MAPK10: variants seen among roughly 807,000 people sequenced by gnomAD.
MAPK10 encodes JNK3 alpha protein kinase.
A neutral mutation model predicts 59.3 loss-of-function variants in MAPK10; 25 were observed. The observed-to-expected ratio is 0.42, with a 90% CI of 0.31 to 0.59. MAPK10 has a LOEUF of 0.59. MAPK10 is among the 20% of genes least tolerant of loss of function. The pLI is 0.15. For synonymous variants in MAPK10, 190 were observed against 200.5 expected, an observed-to-expected ratio of 0.95 and a Z score of 0.44; for missense variants, 351 against 568.9, an observed-to-expected ratio of 0.62 and a Z score of 3.90.
At chr4:86,278,427 G>C (rs186488667) in intron 2 of MAPK10, among the ~76,000 whole-genome samples, 252 of 152,234 alleles carry the variant, frequency 1.7e-3, no homozygotes, top group Admixed American at 4.1e-3. Flanking sequence ...TTAGTTATGT[G>C]TAGTTTAAGG....
chr4:86,144,070 A>G (rs962509312), intron 4 of MAPK10, among the ~76,000 whole-genome samples: 15 of 152,112 alleles, frequency 9.9e-5, no homozygotes, highest in African/African-American at 3.4e-4. Context: ...GAAGGTGCCA[A>G]ATTACTGGTA....
At chr4:86,118,654 G>A (rs140574960) in intron 4 of MAPK10, among the ~76,000 whole-genome samples, 4 of 151,218 alleles carry the variant, frequency 2.6e-5, no homozygotes, top group African/African-American at 7.3e-5. Context: ...ATATTTATCA[G>A]GTATTTTTTT....
At chr4:86,523,284 C>T (rs1442432751) in intron 1 of MAPK10, among the ~76,000 whole-genome samples, 3 of 152,168 alleles carry the variant, frequency 2.0e-5, no homozygotes, top group African/African-American at 7.2e-5. Flanking sequence ...CACTGACCCC[C>T]ATCCCCAATC....
chr4:86,323,612 G>T (rs1040139437), intron 2 of MAPK10, among the ~76,000 whole-genome samples: 2 of 152,192 alleles, frequency 1.3e-5, no homozygotes, highest in Non-Finnish European at 2.9e-5. Flanking sequence ...AGAGATGACT[G>T]TAATTAGAAA....
intron 10 of MAPK10, among the ~76,000 whole-genome samples, chr4:86,066,533 G>A (rs914142761): frequency 3.3e-5 from 5 of 151,440 alleles, no homozygotes; most frequent in African/African-American, 1.2e-4. Flanking sequence ...TTGGAAGGCC[G>A]AGGCAGGCAG....
intron 9 of MAPK10, among the ~76,000 whole-genome samples, chr4:86,096,406 T>A (rs1326532404): frequency 6.6e-6 from 1 of 151,962 alleles, no homozygotes; most frequent in Non-Finnish European, 1.5e-5. Flanking sequence ...TTTTTGCTTT[T>A]TTTCTCTTTT....
At chr4:86,468,251 C>A (rs977802798) in intron 1 of MAPK10, among the ~76,000 whole-genome samples, 1 of 152,062 alleles carries the variant, frequency 6.6e-6, no homozygotes, top group Non-Finnish European at 1.5e-5. Flanking sequence ...AAAGAAAATC[C>A]TTTTTTTGCC....
intron 1 of MAPK10, among the ~76,000 whole-genome samples, chr4:86,539,400 T>C (rs1363053969): frequency 6.6e-6 from 1 of 152,006 alleles, no homozygotes; most frequent in Non-Finnish European, 1.5e-5. Context: ...GCTCCAAACC[T>C]CAGCTACTAG....
intron 1 of MAPK10, among the ~76,000 whole-genome samples, chr4:86,460,076 C>A (rs1295709627): frequency 6.6e-6 from 1 of 152,100 alleles, no homozygotes; most frequent in Non-Finnish European, 1.5e-5. Flanking sequence ...ATCATTAAAT[C>A]TTTGTTCATT....
chr4:86,132,091 CATACATAT>C (rs2149142446), intron 4 of MAPK10, among the ~76,000 whole-genome samples: 1 of 152,194 alleles, frequency 6.6e-6, no homozygotes, highest in South Asian at 2.1e-4. Flanking sequence ...TTTAACTATT[CATACATAT>C]ATGAAACTTG....
intron 4 of MAPK10, among the ~76,000 whole-genome samples, chr4:86,141,401 C>T (rs555029312): frequency 6.6e-6 from 1 of 152,142 alleles, no homozygotes; most frequent in Non-Finnish European, 1.5e-5. Context: ...TCATGAAGTC[C>T]ACATCTTTAT....
intron 11 of MAPK10, among the ~76,000 whole-genome samples, chr4:86,036,430 T>A (rs1005955013): frequency 1.2e-4 from 17 of 145,936 alleles, no homozygotes; most frequent in African/African-American, 3.3e-4. Context: ...GAGAACTTGA[T>A]AAAAAAAAAA....
At chr4:86,161,693 G>C (rs2069744036) in intron 3 of MAPK10, among the ~76,000 whole-genome samples, 1 of 151,956 alleles carries the variant, frequency 6.6e-6, no homozygotes, top group East Asian at 1.9e-4. Flanking sequence ...GCACACACTA[G>C]CCTCACCAAA....
intron 2 of MAPK10, among the ~76,000 whole-genome samples, chr4:86,335,765 T>C (rs1004525739): frequency 1.3e-5 from 2 of 152,166 alleles, no homozygotes; most frequent in East Asian, 1.9e-4. Flanking sequence ...GACTTTCACA[T>C]GGCGGCAAGA....
chr4:86,214,805 T>C (rs1055379498), intron 2 of MAPK10, among the ~76,000 whole-genome samples: 5 of 152,168 alleles, frequency 3.3e-5, no homozygotes, highest in South Asian at 4.1e-4. Flanking sequence ...TGTTCATAGA[T>C]TGGATGTCTT....
chr4:86,125,312 A>G (rs2059898817), intron 4 of MAPK10: 1 of 151,976 alleles, frequency 6.6e-6, no homozygotes, highest in Admixed American at 6.6e-5. Context: ...AATATACATG[A>G]GATGTACCAC....
intron 1 of MAPK10, among the ~76,000 whole-genome samples, chr4:86,590,102 A>G (rs546453809): frequency 3.5e-4 from 54 of 152,334 alleles, no homozygotes; most frequent in African/African-American, 1.2e-3. Flanking sequence ...CAGCCTTTCA[A>G]AAGAACTAGG....
intron 1 of MAPK10, among the ~76,000 whole-genome samples, chr4:86,585,898 A>C (rs1175276469): frequency 6.6e-6 from 1 of 152,164 alleles, no homozygotes; most frequent in African/African-American, 2.4e-5. Context: ...CTCTAATTCC[A>C]CCTAACAAAG....
In MAPK10 at chr4:86,075,929, G is replaced by A. The variant is rs1012366105; in HGVS notation, c.803-7974C>T. Reference sequence around the variant, plus strand: ...AGCTGTGGTGGGCTCCACCCAGTTCGAGTTTCCAGGCTGCTTTGTTTACCT... The same window carrying A: ...AGCTGTGGTGGGCTCCACCCAGTTCAAGTTTCCAGGCTGCTTTGTTTACCT... On this transcript the variant is annotated intron_variant, in intron 9 of 13. Transcript: ENST00000641462. Among the ~76,000 whole-genome samples the A allele has an allele frequency of 1.6e-4, 25 of 152,256 alleles. No individual in the cohort carries two copies. In the East Asian group the frequency reaches 3.9e-3, roughly 24 times the overall value.
Sources: gnomAD v4.1 joint callset for allele counts (sites outside exome capture counted in the v4.1 genomes callset) on GRCh38, gnomAD v4.1.1 for gene constraint, MANE v1.5 for transcripts, NCBI Gene and HGNC (gene_info 2026-07-23, HGNC 2026-07-21) for gene names.